The following PIRT variants were observed in gnomAD, a reference collection of about 807,000 sequenced individuals.
PIRT encodes the protein phosphoinositide interacting regulator of transient receptor potential channels.
In PIRT, 6 loss-of-function variants were observed where a neutral mutation model predicts 7.9. The ratio of observed to expected loss-of-function variants is 0.76; its 90% CI spans 0.42 to 1.51. PIRT has a LOEUF of 1.51. Among genes scored for constraint, PIRT ranks in the 40% most tolerant of loss-of-function variants. The probability of loss-of-function intolerance (pLI) is 0.01; values close to 1 mark genes in which losing one functional copy is unlikely to be tolerated. For missense variants in PIRT, 170 were observed against 172.9 expected, an observed-to-expected ratio of 0.98 and a Z score of 0.09; for synonymous variants, 78 against 71.8, an observed-to-expected ratio of 1.09 and a Z score of -0.44.
intron 1 of PIRT, among the ~76,000 whole-genome samples, chr17:10,836,389 G>T (rs530250312): frequency 2.7e-4 from 41 of 152,294 alleles, no homozygotes; most frequent in African/African-American, 9.6e-4. Flanking sequence ...GGTATTAAGA[G>T]GGTTGTCAGA....
In PIRT at chr17:10,823,919, C is replaced by T. The variant is rs1452985051; in HGVS notation, c.*1313G>A. On this transcript the variant is annotated 3_prime_UTR_variant, in exon 2 of 2. Coordinates refer to ENST00000580256, the MANE Select transcript of PIRT (RefSeq NM_001101387.2). ...GTCAGACAAATGGCCGTGCAGTTTCCTAATTCCATCATGCTTCTCCTTCCC... is the reference window on the plus strand; with the variant it reads ...GTCAGACAAATGGCCGTGCAGTTTCTTAATTCCATCATGCTTCTCCTTCCC... 3 of 152,250 alleles carry T rather than the reference C, an allele frequency of 2.0e-5. No individual in the cohort carries two copies. Among genetic ancestry groups the T allele is most frequent in the Admixed American group, 6.5e-5 (1 of 15,284 alleles). The allele number at this position is 152,250 out of a possible 1,614,324, so 9.4% of individuals were successfully genotyped here. A position where few individuals can be genotyped will look rare whatever the true frequency, so the allele number is the denominator to read the frequency against.
In PIRT at chr17:10,825,786, G is replaced by A. The variant is rs1222171069; in HGVS notation, c.-138-3C>T. 9 of 771,584 alleles carry A rather than the reference G, an allele frequency of 1.2e-5. No homozygotes were observed. Among genetic ancestry groups the A allele is most frequent in the Non-Finnish European group, 1.6e-5 (9 of 550,514 alleles). 47.8% of individuals were successfully genotyped at this position (771,584 alleles called of 1,614,324 possible). A position where few individuals can be genotyped will look rare whatever the true frequency, so the allele number is the denominator to read the frequency against. On this transcript the variant is annotated splice_polypyrimidine_tract_variant and splice_region_variant and intron_variant, in intron 1 of 1. Coordinates refer to ENST00000580256, the MANE Select transcript of PIRT (RefSeq NM_001101387.2). ...GGAGGGTGAACAAGGTTTTTGTGCTGAAGCCAAAAAAGAAAATGAAATGAA... is the reference window on the plus strand; with the variant it reads ...GGAGGGTGAACAAGGTTTTTGTGCTAAAGCCAAAAAAGAAAATGAAATGAA...
At chr17:10,830,490 A>G (rs1346065110) in intron 1 of PIRT, among the ~76,000 whole-genome samples, 1 of 152,194 alleles carries the variant, frequency 6.6e-6, no homozygotes. Context: ...GGGATAATGG[A>G]GTGTCTACCT....
chr17:10,832,546 A>G (rs1905487316), intron 1 of PIRT, among the ~76,000 whole-genome samples: 1 of 152,248 alleles, frequency 6.6e-6, no homozygotes, highest in African/African-American at 2.4e-5. Context: ...CTACTGGCAC[A>G]GTACACTTGA....
intron 1 of PIRT, among the ~76,000 whole-genome samples, chr17:10,827,087 C>T (rs1816217116): frequency 6.6e-6 from 1 of 152,164 alleles, no homozygotes; most frequent in African/African-American, 2.4e-5. Context: ...GCTGGGATTA[C>T]AAGCATGAGC....
At chr17:10,829,557 A>G (rs1289945547) in intron 1 of PIRT, among the ~76,000 whole-genome samples, 1 of 152,194 alleles carries the variant, frequency 6.6e-6, no homozygotes, top group Non-Finnish European at 1.5e-5. Flanking sequence ...CAACCCCCAC[A>G]TCAGGCCAAG....
At chr17:10,832,214 C>T (rs1485911992) in intron 1 of PIRT, among the ~76,000 whole-genome samples, 8 of 150,126 alleles carry the variant, frequency 5.3e-5, no homozygotes, top group Admixed American at 6.6e-5. Flanking sequence ...TTTTTTGAGT[C>T]GGAGTTTTGC....
intron 1 of PIRT, 100 bp from the exon 2 acceptor site, chr17:10,825,883 T>G: frequency 2.7e-6 from 1 of 375,478 alleles, no homozygotes; most frequent in Non-Finnish European, 4.7e-6. Context: ...ATTATAACAT[T>G]TTATTCAATA....
chr17:10,832,758 C>T (rs115332730), intron 1 of PIRT, among the ~76,000 whole-genome samples: 207 of 152,292 alleles, frequency 1.4e-3, no homozygotes, highest in African/African-American at 4.8e-3. Flanking sequence ...ACCATGATTC[C>T]TTTCCCTTTT....
chr17:10,831,713 A>C (rs908604463), intron 1 of PIRT, among the ~76,000 whole-genome samples: 15 of 152,310 alleles, frequency 9.8e-5, no homozygotes, highest in African/African-American at 3.4e-4. Flanking sequence ...TGGCAGCCCT[A>C]AAAAATAAGT....
chr17:10,827,647 G>A (rs1905366304), intron 1 of PIRT, among the ~76,000 whole-genome samples: 1 of 151,366 alleles, frequency 6.6e-6, no homozygotes, highest in Admixed American at 6.6e-5. Context: ...GCTAATTTTT[G>A]TATTTTTAGT....
intron 1 of PIRT, among the ~76,000 whole-genome samples, chr17:10,829,725 C>T (rs1256651869): frequency 2.0e-5 from 3 of 152,162 alleles, no homozygotes; most frequent in Non-Finnish European, 1.5e-5. Context: ...TTCATAATCC[C>T]CTAACATTGA....
At chr17:10,836,031 T>G (rs758796729) in intron 1 of PIRT, among the ~76,000 whole-genome samples, 2 of 152,036 alleles carry the variant, frequency 1.3e-5, no homozygotes, top group Non-Finnish European at 2.9e-5. Flanking sequence ...GCCTCCTGAG[T>G]AGCTGGGATT....
intron 1 of PIRT, among the ~76,000 whole-genome samples, chr17:10,836,459 A>C (rs1905595613): frequency 6.6e-6 from 1 of 152,218 alleles, no homozygotes; most frequent in Non-Finnish European, 1.5e-5. Context: ...AACAACGGAT[A>C]GTTTTTTTCA....
In PIRT at chr17:10,825,041, C is replaced by T; in HGVS notation, c.*191G>A. 1.4e-6 allele frequency: 1 copy of T among 719,954 alleles called. No homozygotes were observed. Among genetic ancestry groups the T allele is most frequent in the Non-Finnish European group, 2.2e-6 (1 of 447,408 alleles). The allele number at this position is 719,954 out of a possible 1,614,324, so 44.6% of individuals were successfully genotyped here. ...AGGAAGCATCAGTCAGAATAGAGAT[C>T]AAGTGGATACATCTGGCAACATTCC... On this transcript the variant is annotated 3_prime_UTR_variant, in exon 2 of 2. Coordinates refer to ENST00000580256, the MANE Select transcript of PIRT (RefSeq NM_001101387.2).
chr17:10,825,323 A>G lies in PIRT; in HGVS notation c.323T>C (p.Leu108Pro). 1 of 1,613,998 alleles carries G rather than the reference A, an allele frequency of 6.2e-7. No individual in the cohort carries two copies. The highest frequency in any genetic ancestry group is 8.5e-7 in the Non-Finnish European group (1 of 1,179,894). ...CTTTTTGATGATGGGCACCCACACCAGCCCGCACACCAGCATCATGAGTCC... is the reference window on the plus strand; with the variant it reads ...CTTTTTGATGATGGGCACCCACACCGGCCCGCACACCAGCATCATGAGTCC... ...SLGLMMLVCG[L>P]VWVPIIKKKQ... Residue 108 changes from leucine (L) to proline (P), a missense_variant, in exon 2 of 2, where the codon CTG becomes CCG. By Grantham distance (98) the Leu-to-Pro change is moderately conservative. Coordinates refer to ENST00000580256, the MANE Select transcript of PIRT (RefSeq NM_001101387.2).
At chr17:10,834,187 A>T (rs1209689889) in intron 1 of PIRT, among the ~76,000 whole-genome samples, 1 of 152,038 alleles carries the variant, frequency 6.6e-6, no homozygotes, top group Non-Finnish European at 1.5e-5. Context: ...ATAAAAAAGA[A>T]AAAAAAGAAA....
chr17:10,837,480 A>G (rs947285633), intron 1 of PIRT, among the ~76,000 whole-genome samples: 1 of 152,208 alleles, frequency 6.6e-6, no homozygotes, highest in Non-Finnish European at 1.5e-5. Context: ...GGTCTGACAC[A>G]GGGTGCTCAG....
chr17:10,826,412 C>T (rs746854402), intron 1 of PIRT, among the ~76,000 whole-genome samples: 1 of 152,168 alleles, frequency 6.6e-6, no homozygotes, highest in East Asian at 1.9e-4. Flanking sequence ...ATTTTCAAAA[C>T]GGTGTGAGTT....
Sources: gnomAD v4.1 joint callset for allele counts (sites outside exome capture counted in the v4.1 genomes callset) on GRCh38, gnomAD v4.1.1 for gene constraint, MANE v1.5 for transcripts, NCBI Gene and HGNC (gene_info 2026-07-23, HGNC 2026-07-21) for gene names.